The following SLC9A7 variants were observed in gnomAD, a reference collection of about 807,000 sequenced individuals.
The protein encoded by SLC9A7 is solute carrier family 9 member A7, also known as sodium/hydrogen exchanger 7.
Under a neutral mutation model 52.6 loss-of-function variants are expected in SLC9A7, and 19 were observed. The observed-to-expected ratio is 0.36, with a 90% confidence interval of 0.25 to 0.53. The LOEUF is 0.53. Among genes scored for constraint, SLC9A7 ranks in the 20% least tolerant of loss-of-function variants. SLC9A7 has a pLI of 0.91. For missense variants in SLC9A7, 455 were observed against 597.9 expected, an observed-to-expected ratio of 0.76 and a Z score of 2.49; for synonymous variants, 226 against 252.1, an observed-to-expected ratio of 0.90 and a Z score of 0.98.
chrX:46,721,825 A>G (rs1378291863), intron 1 of SLC9A7, among the ~76,000 whole-genome samples: 1 of 112,075 alleles, frequency 8.9e-6, no homozygotes, highest in Non-Finnish European at 1.9e-5. Flanking sequence ...AAATGAGTAA[A>G]CAAAGAGAAA....
Position 46,603,682 on chromosome X carries a change from T to TA in SLC9A7, c.*3269dup, listed in dbSNP as rs1269812914. On this transcript the variant is annotated 3_prime_UTR_variant, in exon 17 of 17. Transcript: ENST00000616978. ...TGAAACTCTGTCTCTACTAAAAATA[T>TA]AAAAAAATTAGCTGGGTGTGGTGGC... 9.0e-6 allele frequency: 1 copy of TA among 110,603 alleles called. No homozygotes were observed. Among genetic ancestry groups the TA allele is most frequent in the Non-Finnish European group, 1.9e-5 (1 of 52,830 alleles). 9.1% of individuals were successfully genotyped at this position (110,603 alleles called of 1,213,427 possible). A position where few individuals can be genotyped will look rare whatever the true frequency, so the allele number is the denominator to read the frequency against.
In SLC9A7 at chrX:46,605,043, T is replaced by C. The variant is rs1450282769; in HGVS notation, c.*1909A>G. The C allele has an allele frequency of 9.1e-6, 1 of 109,625 alleles. No individual in the cohort carries two copies. Among genetic ancestry groups the C allele is most frequent in the Non-Finnish European group, 1.9e-5 (1 of 52,588 alleles). 9.0% of individuals were successfully genotyped at this position (109,625 alleles called of 1,213,427 possible). On this transcript the variant is annotated 3_prime_UTR_variant, in exon 17 of 17. Transcript: ENST00000616978. The stretch of plus-strand genomic sequence containing the variant: ...GTCTCTACTAAAAAATACAAAAAAT[T>C]AGCCAGGCGTGGTGGCGCGTGCCTG...
At chrX:46,618,089 T>G (rs1355315945) in intron 15 of SLC9A7, among the ~76,000 whole-genome samples, 1 of 111,434 alleles carries the variant, frequency 9.0e-6, no homozygotes, top group Non-Finnish European at 1.9e-5. Context: ...AGGTGAGCCC[T>G]GTGGTTGGTG....
intron 1 of SLC9A7, among the ~76,000 whole-genome samples, chrX:46,726,370 A>G: frequency 8.9e-6 from 1 of 112,399 alleles, no homozygotes; most frequent in African/African-American, 3.2e-5. Context: ...TAAACAGCTA[A>G]GAAGAGCCCT....
rs189476258 is a variant in SLC9A7, at chrX:46,725,804, G to A, written c.325+32901C>T. ...GTGGAGCCTTGGGTTTCACTTTCCC[G>A]AAGAATTGGTTGATCTTGAGCGGCC... On this transcript the variant is annotated intron_variant, in intron 1 of 16. Transcript: ENST00000616978. 2.5e-4 allele frequency: 183 copies of A among 722,078 alleles called. No homozygotes were observed. In the East Asian group the frequency reaches 4.2e-3, roughly 17 times the overall value. The allele number at this position is 722,078 out of a possible 1,213,427, so 59.5% of individuals were successfully genotyped here.
At chrX:46,672,526 G>A in intron 4 of SLC9A7, 25 bp downstream of exon 4, 7 of 1,135,378 alleles carry the variant, frequency 6.2e-6, no homozygotes, top group Non-Finnish European at 8.5e-6. Context: ...GTGTTAATTT[G>A]GTTATATGAC....
intron 4 of SLC9A7, 107 bp from the exon 5 acceptor site, chrX:46,669,826 A>G: frequency 5.4e-6 from 2 of 371,487 alleles, no homozygotes; most frequent in Non-Finnish European, 9.4e-6. Context: ...TATGAAAACA[A>G]CAGGCAGCTG....
intron 1 of SLC9A7, chrX:46,685,752 G>A (rs955963507): frequency 2.7e-5 from 3 of 111,731 alleles, no homozygotes; most frequent in African/African-American, 9.8e-5. Flanking sequence ...ATTTTCTGAC[G>A]AAGTTTTACA....
chrX:46,607,144 T>C lies in SLC9A7; in HGVS notation c.1989A>G (p.Thr663=). The C allele has an allele frequency of 8.3e-7, 1 of 1,211,237 alleles. No homozygotes were observed. Among genetic ancestry groups the C allele is most frequent in the Non-Finnish European group, 1.1e-6 (1 of 895,275 alleles). ...SDFILTEGDL[T]LTYGDSTVTA... is the part of the protein sequence containing the mutation. ...TCACTGTGCTGTCCCCGTAGGTCAA[T>C]GTCAGGTCGCCTTCGGTCAGGATGA... Residue 663 remains threonine (T), a synonymous_variant, in exon 17 of 17, where the codon ACA becomes ACG. Transcript: ENST00000616978.
Position 46,719,162 on chromosome X carries a change from G to C in SLC9A7, c.326-36627C>G, listed in dbSNP as rs193111991. On this transcript the variant is annotated intron_variant, in intron 1 of 16. Coordinates refer to ENST00000616978, the MANE Select transcript of SLC9A7 (RefSeq NM_001257291.2). ...CTTTGTAGGGACATGGATGAAGCTA[G>C]AAACCATCATTCTGAGCAAACTATC... Among the ~76,000 whole-genome samples the C allele has an allele frequency of 4.0e-4, 44 of 110,303 alleles. No individual in the cohort carries two copies. The East Asian group carries it at 0.012, about 30-fold the overall frequency.
intron 1 of SLC9A7, among the ~76,000 whole-genome samples, chrX:46,731,070 A>G (rs923092100): frequency 1.0e-4 from 11 of 109,973 alleles, no homozygotes; most frequent in African/African-American, 3.6e-4. Flanking sequence ...CCAGATTTTA[A>G]AATATGTTCT....
chrX:46,696,142 C>T (rs57122311), intron 1 of SLC9A7, among the ~76,000 whole-genome samples: 7,199 of 109,686 alleles, frequency 0.066, 594 homozygotes, highest in African/African-American at 0.22. Context: ...CCCGCCACCA[C>T]GGCCGGCTAA....
chrX:46,738,080 AAAGAAAGAAAG>A (rs1357579775), intron 1 of SLC9A7, among the ~76,000 whole-genome samples: 1 of 76,131 alleles, frequency 1.3e-5, no homozygotes, highest in African/African-American at 3.7e-5. Flanking sequence ...AGAAAGAAAG[AAAGAAAGAAAG>A]AAAGAAAGAA....
intron 5 of SLC9A7, among the ~76,000 whole-genome samples, chrX:46,668,903 C>A (rs189591478): frequency 9.0e-6 from 1 of 111,729 alleles, no homozygotes; most frequent in Admixed American, 9.5e-5. Flanking sequence ...CACGGTGGCT[C>A]ACACCTGTAA....
chrX:46,750,227 G>A (rs372240940), intron 1 of SLC9A7, among the ~76,000 whole-genome samples: 48 of 112,033 alleles, frequency 4.3e-4, no homozygotes, highest in African/African-American at 1.6e-3. Context: ...GCTATATTGA[G>A]TTCATCCTTT....
intron 12 of SLC9A7, among the ~76,000 whole-genome samples, chrX:46,642,649 G>A (rs919994708): frequency 8.9e-6 from 1 of 111,827 alleles, no homozygotes; most frequent in Non-Finnish European, 1.9e-5. Context: ...AAGCGCTCTT[G>A]AAAAAGTCAA....
chrX:46,615,938 T>C (rs963396203), intron 15 of SLC9A7, among the ~76,000 whole-genome samples: 2 of 110,493 alleles, frequency 1.8e-5, no homozygotes, highest in African/African-American at 3.3e-5. Flanking sequence ...ATTAACTTTA[T>C]ACTGGAGATA....
chrX:46,629,838 A>G (rs1215877083), intron 14 of SLC9A7, among the ~76,000 whole-genome samples: 1 of 111,676 alleles, frequency 9.0e-6, no homozygotes, highest in African/African-American at 3.3e-5. Context: ...AAGATCTCCC[A>G]AACTGTTATA....
At chrX:46,642,443 C>G (rs1193514286) in intron 12 of SLC9A7, among the ~76,000 whole-genome samples, 1 of 112,265 alleles carries the variant, frequency 8.9e-6, no homozygotes, top group Non-Finnish European at 1.9e-5. Context: ...ATGTGCAGCA[C>G]GACACCTACA....
Sources: gnomAD v4.1 joint callset for allele counts (sites outside exome capture counted in the v4.1 genomes callset) on GRCh38, gnomAD v4.1.1 for gene constraint, MANE v1.5 for transcripts, NCBI Gene and HGNC (gene_info 2026-07-23, HGNC 2026-07-21) for gene names.